Variants in FBN1 observed in about 807,000 individuals in gnomAD.
FBN1 encodes fibrillin-1.
A neutral mutation model predicts 365.1 loss-of-function variants in FBN1; 29 were observed. That is an observed-to-expected ratio of 0.08 (90% CI 0.06 to 0.11). The LOEUF (loss-of-function observed/expected upper bound fraction) is 0.11, where lower values mean the gene tolerates loss of function less well. FBN1 is among the 10% of genes least tolerant of loss of function. The probability of loss-of-function intolerance (pLI) is 1.00; values close to 1 mark genes in which losing one functional copy is unlikely to be tolerated. For missense variants in FBN1, 2,476 were observed against 3,703.2 expected (o/e 0.67, Z 8.60); for synonymous variants, 1,210 against 1,270.5 (o/e 0.95, Z 1.01).
chr15:48,443,612 G>T (rs115235428), intron 49 of FBN1, among the ~76,000 whole-genome samples: 1 of 152,160 alleles, frequency 6.6e-6, no homozygotes, highest in South Asian at 2.1e-4. Flanking sequence ...TCTAATTGAC[G>T]ATATTAAAAG....
rs77098245 is a variant in FBN1 at position 48,615,415 on chromosome 15, T to G, written c.165-2323A>C. ...GAAACAAAGGATCCAGAATAACAAT[T>G]TCAGTCCTACAAAGCAAAATATTCT... On this transcript the variant is annotated intron_variant, in intron 2 of 65. Coordinates refer to ENST00000316623, the MANE Select transcript of FBN1 (RefSeq NM_000138.5). Among the ~76,000 whole-genome samples, 609 of 152,186 alleles carry G rather than the reference T, an allele frequency of 4.0e-3. 3 individuals are homozygous for G. Among genetic ancestry groups the G allele is most frequent in the African/African-American group, 0.014 (585 of 41,530 alleles).
chr15:48,476,476 A>G (rs17361098), intron 32 of FBN1, among the ~76,000 whole-genome samples: 14,515 of 152,208 alleles, frequency 0.095, 855 homozygotes, highest in Non-Finnish European at 0.13. Context: ...AGAAGAAGAC[A>G]AAGAAGTTGG....
intron 6 of FBN1, 91 bp from the exon 7 acceptor site, chr15:48,537,899 A>G: frequency 7.9e-7 from 1 of 1,273,790 alleles, no homozygotes; most frequent in East Asian, 2.3e-5. Flanking sequence ...GCTTGACTCC[A>G]AATTGAGAAA....
chr15:48,425,228 T>C, intron 60 of FBN1, 141 bp downstream of exon 60: 11 of 1,105,780 alleles, frequency 9.9e-6, no homozygotes, highest in Non-Finnish European at 1.5e-5. Context: ...AGGAGGTAGG[T>C]CCCATGGAGG....
At chr15:48,424,673 T>C (rs1030487643) in intron 60 of FBN1, among the ~76,000 whole-genome samples, 13 of 152,218 alleles carry the variant, frequency 8.5e-5, no homozygotes, top group Non-Finnish European at 1.3e-4. Context: ...TCTTTTCTTC[T>C]CCAAATCTCT....
intron 32 of FBN1, among the ~76,000 whole-genome samples, chr15:48,475,106 CTA>C (rs2043408825): frequency 6.6e-6 from 1 of 151,772 alleles, no homozygotes; most frequent in Admixed American, 6.6e-5. Flanking sequence ...GCATTATATT[CTA>C]TATATAAAAT....
At chr15:48,481,161 T>A (rs1294210762) in intron 32 of FBN1, among the ~76,000 whole-genome samples, 2 of 152,216 alleles carry the variant, frequency 1.3e-5, no homozygotes, top group East Asian at 3.8e-4. Context: ...CTTGGACTAA[T>A]ATGACTTAAT....
chr15:48,433,630 A>T (rs79814349), intron 54 of FBN1, among the ~76,000 whole-genome samples: 6,495 of 152,308 alleles, frequency 0.043, 325 homozygotes, highest in African/African-American at 0.12. Flanking sequence ...CAGACTGCAG[A>T]GTTTGGAACC....
At chr15:48,487,005 T>C (rs2043512473) in intron 29 of FBN1, 70 bp downstream of exon 29, 2 of 646,814 alleles carry the variant, frequency 3.1e-6, no homozygotes, top group African/African-American at 3.3e-5. Flanking sequence ...TAAAATAAAA[T>C]AACATAACAT....
Position 48,534,115 on chromosome 15 carries a change from C to A in FBN1, c.827G>T (p.Gly276Val), listed in dbSNP as rs534859193. ...TTGTGACACTTCATTAAGTTTGTGT[C>A]CAGCAGGGCATTTGCACTCAAAAGA... Reference protein sequence around the residue: ...VGSFECKCPAGHKLNEVSQKC... With the variant: ...VGSFECKCPAVHKLNEVSQKC... Residue 276 changes from glycine to valine, a missense_variant, in exon 8 of 66, where the codon GGA becomes GTA. Around this residue, in one of 5 missense-constraint regions of FBN1, gnomAD observed 421 missense variants for 520.1 expected, o/e 0.81. Transcript: ENST00000316623. 4.3e-6 allele frequency: 7 copies of A among 1,613,412 alleles called. No individual in the cohort carries two copies. Among genetic ancestry groups the A allele is most frequent in the Non-Finnish European group, 5.9e-6 (7 of 1,179,886 alleles).
At chr15:48,526,369 C>T in intron 8 of FBN1, 114 bp from the exon 9 acceptor site, 1 of 1,173,544 alleles carries the variant, frequency 8.5e-7, no homozygotes, top group Non-Finnish European at 1.2e-6. Context: ...AAACAGCCAT[C>T]ATTAAAAAGT....
At chr15:48,520,911 G>C in intron 9 of FBN1, 94 bp from the exon 10 acceptor site, 3 of 1,538,336 alleles carry the variant, frequency 2.0e-6, no homozygotes, top group Non-Finnish European at 2.7e-6. Context: ...CTTCACACTG[G>C]GGCTACGGCA....
intron 59 of FBN1, 28 bp downstream of exon 59, chr15:48,425,711 G>A: frequency 6.2e-7 from 1 of 1,610,474 alleles, no homozygotes; most frequent in Admixed American, 1.7e-5. Flanking sequence ...TTCCACTTGA[G>A]GATAAGCCAT....
chr15:48,468,824 T>G (rs2043344138), intron 36 of FBN1, among the ~76,000 whole-genome samples: 1 of 149,828 alleles, frequency 6.7e-6, no homozygotes, highest in Admixed American at 6.6e-5. Flanking sequence ...ATCCCAGCAC[T>G]TTGGGAGGCC....
rs748242564 is a variant in FBN1, at chr15:48,474,661, G to T, written c.3965-11C>A. 2.9e-5 allele frequency: 46 copies of T among 1,614,028 alleles called. No homozygotes were observed. In the South Asian group the frequency reaches 4.2e-4, roughly 15 times the overall value. On this transcript the variant is annotated splice_polypyrimidine_tract_variant and intron_variant, in intron 32 of 65. Transcript: ENST00000316623. ...CACATTCATTGATGTCTGGAAAAAT[G>T]AGCAGTGATTTAGAAAAAGGCTCAG...
chr15:48,495,445 A>C, intron 21 of FBN1, 24 bp downstream of exon 21: 1 of 1,611,802 alleles, frequency 6.2e-7, no homozygotes, highest in Non-Finnish European at 8.5e-7. Flanking sequence ...AACATAGAAA[A>C]ATCATTCTCA....
At chr15:48,502,032 TTTTC>T (rs1031704149) in intron 17 of FBN1, among the ~76,000 whole-genome samples, 4 of 152,074 alleles carry the variant, frequency 2.6e-5, no homozygotes, top group African/African-American at 9.7e-5. Context: ...CTCATTTCCT[TTTTC>T]TTTCTTTATT....
intron 15 of FBN1, among the ~76,000 whole-genome samples, chr15:48,507,406 T>A (rs1033202876): frequency 1.3e-5 from 2 of 152,208 alleles, no homozygotes; most frequent in Non-Finnish European, 2.9e-5. Flanking sequence ...CTCATATAAG[T>A]TCCTCCTAGC....
Position 48,446,719 on chromosome 15 carries a change from G to A in FBN1, c.5775C>T (p.Asn1925=). The A allele has an allele frequency of 6.2e-7, 1 of 1,610,650 alleles. No homozygotes were observed. The highest frequency in any genetic ancestry group is 8.5e-7 in the Non-Finnish European group (1 of 1,176,914). ...TTGCACACGCACCTATACAGTCATT[G>A]TTGTGAGAAAGGATGAAACCATGAT... is the stretch of plus-strand genomic sequence containing the variant. ...RCNHGFILSH[N]NDCIDVDECA... is the part of the protein sequence containing the mutation. The change falls in exon 47 of 66, where the codon AAC becomes AAT. Residue 1925 remains asparagine (N), a synonymous_variant. Coordinates refer to ENST00000316623, the MANE Select transcript of FBN1 (RefSeq NM_000138.5).
Sources: allele counts gnomAD v4.1 joint callset (sites outside exome capture counted in the v4.1 genomes callset), GRCh38; gene constraint gnomAD v4.1.1; regional missense constraint gnomAD v4.1.1; transcripts MANE v1.5; gene names NCBI Gene and HGNC (gene_info 2026-07-23, HGNC 2026-07-21).